RABGAP1L: variants seen among roughly 807,000 people sequenced by gnomAD.
The protein encoded by RABGAP1L is rab GTPase-activating protein 1-like.
RABGAP1L carries 63 observed loss-of-function variants against 137.7 expected under a neutral mutation model. That is an observed-to-expected ratio of 0.46 (90% CI 0.37 to 0.56). The LOEUF (loss-of-function observed/expected upper bound fraction) is 0.56. Among genes scored for constraint, RABGAP1L ranks in the 20% least tolerant of loss-of-function variants. RABGAP1L has a pLI of 0.00. For missense variants in RABGAP1L, 1,095 were observed against 1,244.0 expected, an observed-to-expected ratio of 0.88 and a Z score of 1.80; for synonymous variants, 431 against 433.7, an observed-to-expected ratio of 0.99 and a Z score of 0.08.
Position 174,331,725 on chromosome 1 carries a change from G to A in RABGAP1L, c.1465+26598G>A, listed in dbSNP as rs367915104. Among the ~76,000 whole-genome samples, 34 of 152,072 alleles carry A rather than the reference G, an allele frequency of 2.2e-4. No individual in the cohort carries two copies. In the East Asian group the frequency reaches 4.6e-3, roughly 21 times the overall value. ...AAGTTTTAGGGTACACGTGCACAAC[G>A]TGCAGGTTTGTTACATATGTATACA... is the stretch of plus-strand genomic sequence containing the variant. On this transcript the variant is annotated intron_variant, in intron 11 of 25. Coordinates refer to ENST00000681986, the MANE Select transcript of RABGAP1L (RefSeq NM_001366446.1).
chr1:174,275,461 T>A (rs2148669131), intron 8 of RABGAP1L, among the ~76,000 whole-genome samples: 1 of 152,300 alleles, frequency 6.6e-6, no homozygotes, highest in South Asian at 2.1e-4. Context: ...CAGCTAATTC[T>A]ATATTATTGT....
chr1:174,460,165 T>A (rs1454208215), intron 13 of RABGAP1L, among the ~76,000 whole-genome samples: 1 of 152,100 alleles, frequency 6.6e-6, no homozygotes, highest in African/African-American at 2.4e-5. Flanking sequence ...AAAGGATGAG[T>A]TATAGCAAAT....
intron 10 of RABGAP1L, among the ~76,000 whole-genome samples, chr1:174,288,037 A>G (rs1423224628): frequency 6.6e-6 from 1 of 152,076 alleles, no homozygotes; most frequent in Non-Finnish European, 1.5e-5. Context: ...TACATAAAAT[A>G]TAATTATTAC....
intron 1 of RABGAP1L, among the ~76,000 whole-genome samples, chr1:174,204,523 G>A (rs865855421): frequency 1.1e-4 from 17 of 152,264 alleles, no homozygotes; most frequent in Admixed American, 2.6e-4. Flanking sequence ...TTTGACCGTT[G>A]AGTATAATGT....
intron 19 of RABGAP1L, among the ~76,000 whole-genome samples, chr1:174,905,975 T>A (rs1659006112): frequency 6.6e-6 from 1 of 152,116 alleles, no homozygotes; most frequent in East Asian, 1.9e-4. Context: ...TTAGAATTAC[T>A]GGTGTTCAAG....
intron 13 of RABGAP1L, among the ~76,000 whole-genome samples, chr1:174,416,035 T>TACACATATAC (rs1553297980): frequency 1.2e-5 from 1 of 83,800 alleles, no homozygotes; most frequent in African/African-American, 7.0e-5. Flanking sequence ...TATATATATA[T>TACACATATAC]ACACACACAT....
chr1:174,327,536 A>G (rs1680544306), intron 11 of RABGAP1L, among the ~76,000 whole-genome samples: 3 of 152,086 alleles, frequency 2.0e-5, no homozygotes, highest in Admixed American at 2.0e-4. Context: ...AAACATACTG[A>G]TAGAGAAAAC....
intron 13 of RABGAP1L, among the ~76,000 whole-genome samples, chr1:174,464,241 A>G (rs1003254564): frequency 1.3e-5 from 2 of 152,188 alleles, no homozygotes; most frequent in Non-Finnish European, 2.9e-5. Flanking sequence ...GGACAAATGA[A>G]TGAATGGATG....
intron 13 of RABGAP1L, among the ~76,000 whole-genome samples, chr1:174,586,871 C>T (rs2148112442): frequency 6.6e-6 from 1 of 152,288 alleles, no homozygotes; most frequent in East Asian, 1.9e-4. Context: ...GCTGGGATTA[C>T]AGGTGTGAGC....
intron 19 of RABGAP1L, among the ~76,000 whole-genome samples, chr1:174,862,082 A>C (rs1362331696): frequency 6.6e-6 from 1 of 152,134 alleles, no homozygotes; most frequent in African/African-American, 2.4e-5. Context: ...TCAGGTCTTA[A>C]ATTTAAGTCT....
chr1:174,451,309 AG>A (rs1655413976), intron 13 of RABGAP1L, among the ~76,000 whole-genome samples: 1 of 152,208 alleles, frequency 6.6e-6, no homozygotes, highest in African/African-American at 2.4e-5. Flanking sequence ...TATTTCTTTA[AG>A]GTATAAATAT....
chr1:174,259,860 A>G (rs1482296183), intron 7 of RABGAP1L, among the ~76,000 whole-genome samples: 1 of 148,994 alleles, frequency 6.7e-6, no homozygotes, highest in African/African-American at 2.5e-5. Flanking sequence ...TTTGAGACAG[A>G]GTCTCACTCT....
At chr1:174,833,449 G>GAGAGATATATATATATAT (rs1553259972) in intron 19 of RABGAP1L, among the ~76,000 whole-genome samples, 1 of 27,828 alleles carries the variant, frequency 3.6e-5, no homozygotes, top group African/African-American at 6.6e-5. Context: ...TGTGTGTAGA[G>GAGAGATATATATATATAT]ATATATATAT....
chr1:174,892,896 A>ATTTTTTTTTTTTTTTTT (rs748971722), intron 19 of RABGAP1L, among the ~76,000 whole-genome samples: 5 of 91,866 alleles, frequency 5.4e-5, no homozygotes, highest in African/African-American at 9.9e-5. Flanking sequence ...CACCCAGCTA[A>ATTTTTTTTTTTTTTTTT]TTTTTTTTTT....
rs147816998 is a variant in RABGAP1L, at chr1:174,793,935, G to A, written c.2212-17897G>A. On this transcript the variant is annotated intron_variant, in intron 18 of 25. Transcript: ENST00000681986. ...TGGTCTCAAACTCCTGACCTCAAGC[G>A]ATCCGCCCACCTCGGCCTCCCAAAG... Among the ~76,000 whole-genome samples, 419 of 152,174 alleles carry A rather than the reference G, an allele frequency of 2.8e-3. 4 individuals are homozygous for A. The highest frequency in any genetic ancestry group is 8.3e-3 in the African/African-American group (345 of 41,522).
At chr1:174,983,086 T>C (rs1671272673) in intron 24 of RABGAP1L, among the ~76,000 whole-genome samples, 181 bp downstream of exon 24, 2 of 152,238 alleles carry the variant, frequency 1.3e-5, no homozygotes, top group African/African-American at 4.8e-5. Context: ...TGAAAGGTTA[T>C]GATGCTCCCA....
intron 14 of RABGAP1L, among the ~76,000 whole-genome samples, chr1:174,644,849 C>A (rs1674822142): frequency 6.6e-6 from 1 of 152,112 alleles, no homozygotes; most frequent in Non-Finnish European, 1.5e-5. Context: ...CGTCCTTTCT[C>A]CCTAGAAATA....
chr1:174,377,107 A>G (rs542634276), intron 12 of RABGAP1L, among the ~76,000 whole-genome samples: 11 of 152,216 alleles, frequency 7.2e-5, no homozygotes, highest in Non-Finnish European at 1.5e-4. Context: ...AAAAAGCACC[A>G]TAAAGGAAAA....
intron 14 of RABGAP1L, among the ~76,000 whole-genome samples, chr1:174,644,103 A>T (rs1674759935): frequency 6.6e-6 from 1 of 152,072 alleles, no homozygotes; most frequent in Non-Finnish European, 1.5e-5. Context: ...TATTAGTAGG[A>T]TAGACTTTAT....
Sources: allele counts gnomAD v4.1 joint callset (sites outside exome capture counted in the v4.1 genomes callset), GRCh38; gene constraint gnomAD v4.1.1; transcripts MANE v1.5; gene names NCBI Gene and HGNC (gene_info 2026-07-23, HGNC 2026-07-21).